The following PTPRK variants were observed in gnomAD, a reference collection of about 807,000 sequenced individuals.
The protein encoded by PTPRK is receptor-type tyrosine-protein phosphatase kappa.
A neutral mutation model predicts 178.0 loss-of-function variants in PTPRK; 75 were observed. The ratio of observed to expected loss-of-function variants is 0.42; its 90% CI spans 0.35 to 0.51. The LOEUF (loss-of-function observed/expected upper bound fraction) is 0.51, where lower values mean the gene tolerates loss of function less well. PTPRK is among the 20% of genes least tolerant of loss of function. PTPRK has a pLI of 0.02. For missense variants in PTPRK, 1,441 were observed against 1,797.8 expected, an observed-to-expected ratio of 0.80 and a Z score of 3.59; for synonymous variants, 637 against 620.6, an observed-to-expected ratio of 1.03 and a Z score of -0.39.
chr6:128,448,996 A>G (rs1847404229), intron 1 of PTPRK, among the ~76,000 whole-genome samples: 1 of 151,862 alleles, frequency 6.6e-6, no homozygotes, highest in Admixed American at 6.6e-5. Context: ...AGTAGCTGGG[A>G]CTACAGGCAC....
At chr6:128,293,692 C>T (rs1823782078) in intron 3 of PTPRK, among the ~76,000 whole-genome samples, 1 of 152,078 alleles carries the variant, frequency 6.6e-6, no homozygotes, top group Non-Finnish European at 1.5e-5. Context: ...CTATTCCAAA[C>T]CAATATGCCT....
At chr6:128,455,608 C>T (rs868776851) in intron 1 of PTPRK, among the ~76,000 whole-genome samples, 3 of 152,076 alleles carry the variant, frequency 2.0e-5, no homozygotes, top group African/African-American at 7.2e-5. Context: ...TTTCAGAGTG[C>T]GATTTGAAGC....
At chr6:128,213,003 G>A (rs1039319992) in intron 6 of PTPRK, among the ~76,000 whole-genome samples, 4 of 151,860 alleles carry the variant, frequency 2.6e-5, no homozygotes, top group South Asian at 2.1e-4. Flanking sequence ...ATTATATGAA[G>A]TCCCAGTCAA....
intron 6 of PTPRK, among the ~76,000 whole-genome samples, chr6:128,203,631 G>A (rs968643885): frequency 6.6e-6 from 1 of 152,020 alleles, no homozygotes; most frequent in Non-Finnish European, 1.5e-5. Flanking sequence ...ACCCCAACAA[G>A]AGGCAAGCAC....
chr6:128,144,662 T>C (rs1352793561), intron 7 of PTPRK, among the ~76,000 whole-genome samples: 6 of 152,190 alleles, frequency 3.9e-5, no homozygotes, highest in African/African-American at 1.4e-4. Flanking sequence ...ATATAATTAT[T>C]GTGTAGTGCT....
intron 1 of PTPRK, among the ~76,000 whole-genome samples, chr6:128,415,673 G>A (rs535834269): frequency 8.2e-4 from 125 of 152,278 alleles, no homozygotes; most frequent in Admixed American, 1.2e-3. Context: ...CCTTGTTGAA[G>A]ATAATGGCAT....
intron 7 of PTPRK, among the ~76,000 whole-genome samples, chr6:128,143,599 T>G: frequency 6.6e-6 from 1 of 152,150 alleles, no homozygotes; most frequent in East Asian, 1.9e-4. Context: ...TTCACAGAGT[T>G]ATTGCCCTTA....
chr6:128,301,153 C>T (rs1825542975), intron 3 of PTPRK, among the ~76,000 whole-genome samples: 1 of 152,026 alleles, frequency 6.6e-6, no homozygotes, highest in Non-Finnish European at 1.5e-5. Context: ...TGAATGTTTC[C>T]CCTAATGGAG....
chr6:128,088,921 C>T (rs989574536), intron 8 of PTPRK, among the ~76,000 whole-genome samples: 2 of 152,078 alleles, frequency 1.3e-5, no homozygotes, highest in Non-Finnish European at 2.9e-5. Context: ...TCACATAAAA[C>T]CATCTAAAAT....
At chr6:128,489,336 T>A (rs1248592982) in intron 1 of PTPRK, among the ~76,000 whole-genome samples, 1 of 152,250 alleles carries the variant, frequency 6.6e-6, no homozygotes, top group Non-Finnish European at 1.5e-5. Context: ...AGGCAGTTTA[T>A]GTTTATTTTC....
intron 1 of PTPRK, among the ~76,000 whole-genome samples, chr6:128,398,220 T>A (rs2128369568): frequency 6.6e-6 from 1 of 152,282 alleles, no homozygotes; most frequent in Admixed American, 6.5e-5. Context: ...GGCCACTTGG[T>A]GTTCACCTCA....
Position 128,125,282 on chromosome 6 carries a change from T to G in PTPRK, c.1163-35290A>C, listed in dbSNP as rs543051138. 4.6e-5 allele frequency among the ~76,000 whole-genome samples: 7 copies of G among 152,296 alleles called. No homozygotes were observed. In the South Asian group the frequency reaches 1.5e-3, roughly 32 times the overall value. ...GGGATTGGATCATGGTGGTGGTTTC[T>G]CAGGAATAGTTTAGCACCATACCCT... On this transcript the variant is annotated intron_variant, in intron 7 of 29. Coordinates refer to ENST00000368226, the MANE Select transcript of PTPRK (RefSeq NM_002844.4).
chr6:128,151,614 TA>T (rs1267746341), intron 7 of PTPRK, among the ~76,000 whole-genome samples: 11 of 152,024 alleles, frequency 7.2e-5, no homozygotes, highest in African/African-American at 2.7e-4. Flanking sequence ...GAAGGTAGCA[TA>T]AATATAAGTA....
chr6:128,196,863 C>T (rs939887898), intron 6 of PTPRK, among the ~76,000 whole-genome samples: 12 of 152,140 alleles, frequency 7.9e-5, no homozygotes, highest in Non-Finnish European at 1.6e-4. Context: ...TTTCCACGCT[C>T]AGCCAGGTCA....
intron 7 of PTPRK, among the ~76,000 whole-genome samples, chr6:128,108,069 AACACACACACACACACACACACACACAC>A (rs67513455): frequency 1.5e-5 from 2 of 133,806 alleles, no homozygotes; most frequent in Non-Finnish European, 3.2e-5. Flanking sequence ...TAAATAGCAA[AACACACACACACACACACACACACACAC>A]ACACACACAC....
chr6:128,177,535 A>C (rs891074973), intron 7 of PTPRK, among the ~76,000 whole-genome samples: 9 of 151,810 alleles, frequency 5.9e-5, no homozygotes, highest in Non-Finnish European at 1.2e-4. Context: ...TGGTTACCAA[A>C]TGTCTTTCAC....
intron 1 of PTPRK, among the ~76,000 whole-genome samples, chr6:128,399,543 C>T (rs1840758477): frequency 6.6e-6 from 1 of 152,104 alleles, no homozygotes; most frequent in African/African-American, 2.4e-5. Context: ...AAATAGGTTG[C>T]TAGGAAATGT....
intron 13 of PTPRK, among the ~76,000 whole-genome samples, chr6:128,015,632 A>G (rs1779514117): frequency 1.3e-5 from 2 of 151,764 alleles, no homozygotes; most frequent in South Asian, 4.1e-4. Flanking sequence ...TATGACACAT[A>G]CGGCCTTTCA....
chr6:128,185,675 C>T (rs1802640240), intron 6 of PTPRK, among the ~76,000 whole-genome samples: 1 of 152,060 alleles, frequency 6.6e-6, no homozygotes, highest in South Asian at 2.1e-4. Context: ...TAATTTAAAA[C>T]TTTTTTTAAG....
Sources: allele counts gnomAD v4.1 joint callset (sites outside exome capture counted in the v4.1 genomes callset), GRCh38; gene constraint gnomAD v4.1.1; transcripts MANE v1.5; gene names NCBI Gene and HGNC (gene_info 2026-07-23, HGNC 2026-07-21).